The following MAP2K2 variants were observed in gnomAD, a reference collection of about 807,000 sequenced individuals.
The protein encoded by MAP2K2 is dual specificity mitogen-activated protein kinase kinase 2.
Under a neutral mutation model 43.7 loss-of-function variants are expected in MAP2K2, and 24 were observed. That is an observed-to-expected ratio of 0.55 (90% CI 0.40 to 0.77). The LOEUF (loss-of-function observed/expected upper bound fraction) is 0.77, where lower values mean the gene tolerates loss of function less well. MAP2K2 is among the 30% of genes least tolerant of loss of function. The pLI is 0.00. For synonymous variants in MAP2K2, 244 were observed against 239.7 expected (o/e 1.02, Z -0.17); for missense variants, 470 against 566.8 (o/e 0.83, Z 1.73).
chr19:4,102,536 G>A, intron 3 of MAP2K2, 83 bp from the exon 4 acceptor site: 1 of 1,128,004 alleles, frequency 8.9e-7, no homozygotes, highest in African/African-American at 1.5e-5. Flanking sequence ...CCCGGCGAGG[G>A]GGTGGTCTGC....
At chr19:4,111,937 G>C (rs1221514911) in intron 2 of MAP2K2, among the ~76,000 whole-genome samples, 1 of 152,064 alleles carries the variant, frequency 6.6e-6, no homozygotes. Context: ...TGGGGGACAA[G>C]AGCGAGACTT....
Position 4,101,452 on chromosome 19 carries a change from C to T in MAP2K2, c.529-172G>A, listed in dbSNP as rs2041010459. Among the ~76,000 whole-genome samples the T allele has an allele frequency of 6.6e-6, 1 of 152,188 alleles. No homozygotes were observed. The highest frequency in any genetic ancestry group is 1.5e-5 in the Non-Finnish European group (1 of 68,018). ...GGAGCAAGCGAGGCCAGAGACGAGA[C>T]AGTGCTGACAGCCCTGTGCTGGCGT... On this transcript the variant is annotated intron_variant, in intron 4 of 10. Coordinates refer to ENST00000262948, the MANE Select transcript of MAP2K2 (RefSeq NM_030662.4). This position sits in a 1 kb window ranked among gnomAD's most constrained non-coding sequence, Gnocchi z 6.3.
chr19:4,102,467 A>C lies in MAP2K2; in HGVS notation c.451-14T>G. 6.3e-7 allele frequency: 1 copy of C among 1,581,522 alleles called. No individual in the cohort carries two copies. ...GGAGCCGCCGTCCTAGAGGGCACAC[A>C]AGGAGTGAGTGCAGGCTCTGCGCAG... On this transcript the variant is annotated splice_polypyrimidine_tract_variant and intron_variant, in intron 3 of 10. Transcript: ENST00000262948.
chr19:4,094,632 A>C, intron 9 of MAP2K2, 134 bp from the exon 10 acceptor site: 1 of 821,784 alleles, frequency 1.2e-6, no homozygotes, highest in Non-Finnish European at 2.0e-6. Flanking sequence ...AGAGAGTGGC[A>C]CAGAGTGGCT....
intron 10 of MAP2K2, among the ~76,000 whole-genome samples, chr19:4,091,157 T>C (rs879397196): frequency 7.2e-5 from 11 of 152,108 alleles, no homozygotes; most frequent in South Asian, 2.1e-4. Context: ...TCCTCAGCCA[T>C]TGCCAGGGTC....
intron 8 of MAP2K2, among the ~76,000 whole-genome samples, chr19:4,097,007 T>G (rs1179056305): frequency 7.0e-6 from 1 of 142,114 alleles, no homozygotes; most frequent in Admixed American, 7.5e-5. Context: ...GCCACTGCAC[T>G]ACAAAGCTAG....
intron 3 of MAP2K2, among the ~76,000 whole-genome samples, chr19:4,104,442 A>G (rs976206295): frequency 1.3e-5 from 2 of 151,850 alleles, no homozygotes; most frequent in Non-Finnish European, 2.9e-5. Context: ...AGTCCCAGCT[A>G]CTCAGAAGGC....
Position 4,101,847 on chromosome 19 carries a change from G to A in MAP2K2, c.528+529C>T, listed in dbSNP as rs1447158701. 2.0e-5 allele frequency among the ~76,000 whole-genome samples: 3 copies of A among 152,180 alleles called. No individual in the cohort carries two copies. The highest frequency in any genetic ancestry group is 2.9e-5 in the Non-Finnish European group (2 of 68,030). ...TCTTAATCCAACACTGGTATGGGCAGGCGGGACTCGGCCCCTGCTATGGAC... is the reference window on the plus strand; with the variant it reads ...TCTTAATCCAACACTGGTATGGGCAAGCGGGACTCGGCCCCTGCTATGGAC... On this transcript the variant is annotated intron_variant, in intron 4 of 10. Coordinates refer to ENST00000262948, the MANE Select transcript of MAP2K2 (RefSeq NM_030662.4). The surrounding 1 kb of genome is among the most constrained non-coding windows in gnomAD (Gnocchi z 6.3).
At chr19:4,108,311 G>C (rs899478086) in intron 3 of MAP2K2, among the ~76,000 whole-genome samples, 3 of 152,130 alleles carry the variant, frequency 2.0e-5, no homozygotes, top group African/African-American at 7.2e-5. Flanking sequence ...CACGATCTCA[G>C]CTCACTGAAA....
chr19:4,094,490 T>C lies in MAP2K2; in HGVS notation c.1055A>G (p.Lys352Arg), dbSNP rs770625938. 4.5e-6 allele frequency: 7 copies of C among 1,570,440 alleles called. No homozygotes were observed. In the South Asian group the frequency reaches 8.2e-5, roughly 18 times the overall value. The change falls in exon 10 of 11, where the codon AAG becomes AGG. Residue 352 changes from lysine to arginine, a missense_variant. Physicochemically the swap from Lys to Arg is conservative, Grantham distance 26. This residue lies in a region of MAP2K2 where 212 missense variants were observed against 220.8 expected (regional missense o/e 0.96). Transcript: ENST00000262948. Reference protein sequence around the residue: ...FQEFVNKCLIKNPAERADLKM... With the variant: ...FQEFVNKCLIRNPAERADLKM... Reference sequence around the variant, plus strand: ...CAGGTCCGCCCGCTCCGCTGGGTTCTTGATGAGGCTGGGGGTTCCAAGAGG... The same window carrying C: ...CAGGTCCGCCCGCTCCGCTGGGTTCCTGATGAGGCTGGGGGTTCCAAGAGG...
intron 3 of MAP2K2, among the ~76,000 whole-genome samples, chr19:4,109,601 T>C (rs2041129813): frequency 6.6e-6 from 1 of 152,052 alleles, no homozygotes; most frequent in Non-Finnish European, 1.5e-5. Context: ...TTTTTAAATG[T>C]TGTTAACAAT....
rs75061416 is a variant in MAP2K2 at position 4,118,954 on chromosome 19, T to C, written c.93-1325A>G. 7.8e-3 allele frequency among the ~76,000 whole-genome samples: 1,193 copies of C among 152,324 alleles called. 9 individuals are homozygous for C. The highest frequency in any genetic ancestry group is 0.012 in the Non-Finnish European group (814 of 68,026). ...TAAGCGCAATGCACACAGGAACCCA[T>C]TGCTGTGCACAAGCAATGGAATGTA... is the stretch of plus-strand genomic sequence containing the variant. On this transcript the variant is annotated intron_variant, in intron 1 of 10. Transcript: ENST00000262948.
intron 6 of MAP2K2, 101 bp downstream of exon 6, chr19:4,100,918 T>C (rs908620461): frequency 7.0e-6 from 9 of 1,287,964 alleles, no homozygotes; most frequent in Middle Eastern, 2.6e-4. Context: ...GACATGGGGG[T>C]GAGAGCTGAG....
intron 2 of MAP2K2, among the ~76,000 whole-genome samples, chr19:4,113,243 C>T (rs1371541066): frequency 6.6e-6 from 1 of 152,164 alleles, no homozygotes; most frequent in South Asian, 2.1e-4. Flanking sequence ...AAGCGAGAGG[C>T]CTTCTGGAAG....
At chr19:4,112,659 C>G (rs116352145) in intron 2 of MAP2K2, among the ~76,000 whole-genome samples, 3 of 146,516 alleles carry the variant, frequency 2.0e-5, no homozygotes, top group African/African-American at 8.3e-5. Flanking sequence ...GCGCTGCCTG[C>G]CCCTGCCTGC....
intron 3 of MAP2K2, among the ~76,000 whole-genome samples, chr19:4,109,142 G>A (rs979833586): frequency 1.3e-5 from 2 of 152,226 alleles, no homozygotes; most frequent in Non-Finnish European, 2.9e-5. Flanking sequence ...TTTTGCAAAC[G>A]ACGCTGTGCG....
chr19:4,099,128 G>T (rs1489843692), intron 7 of MAP2K2, 73 bp downstream of exon 7: 3 of 1,335,188 alleles, frequency 2.2e-6, no homozygotes, highest in Non-Finnish European at 2.1e-6. Flanking sequence ...GGAGGCAGCT[G>T]CTGACCCTGG....
In MAP2K2 at chr19:4,101,845, C is replaced by A. The variant is rs148504185; in HGVS notation, c.528+531G>T. 5.5e-4 allele frequency among the ~76,000 whole-genome samples: 84 copies of A among 152,316 alleles called. 1 individual carries two copies. The highest frequency in any genetic ancestry group is 4.2e-3 in the East Asian group (22 of 5,184). ...TGTCTTAATCCAACACTGGTATGGGCAGGCGGGACTCGGCCCCTGCTATGG... is the reference window on the plus strand; with the variant it reads ...TGTCTTAATCCAACACTGGTATGGGAAGGCGGGACTCGGCCCCTGCTATGG... On this transcript the variant is annotated intron_variant, in intron 4 of 10. Transcript: ENST00000262948. The surrounding 1 kb of genome is among the most constrained non-coding windows in gnomAD (Gnocchi z 6.3).
chr19:4,117,331 G>C, intron 2 of MAP2K2, 88 bp downstream of exon 2: 1 of 1,248,118 alleles, frequency 8.0e-7, no homozygotes, highest in Non-Finnish European at 1.1e-6. Context: ...TCAGAATGCA[G>C]AGACCCGGCT....
Sources: gnomAD v4.1 joint callset for allele counts (sites outside exome capture counted in the v4.1 genomes callset) on GRCh38, gnomAD v4.1.1 for gene constraint, gnomAD v4.1.1 regional missense constraint, Gnocchi (gnomAD v3.1) non-coding constraint, MANE v1.5 for transcripts, NCBI Gene and HGNC (gene_info 2026-07-23, HGNC 2026-07-21) for gene names.